The following CEP135 variants were observed in gnomAD, a reference collection of about 807,000 sequenced individuals.
CEP135 encodes centrosomal protein 135, also known as centrosomal protein of 135 kDa.
In CEP135, 142 loss-of-function variants were observed where a neutral mutation model predicts 157.3. The observed-to-expected ratio is 0.90, with a 90% confidence interval of 0.79 to 1.04. CEP135 has a LOEUF of 1.04. Among genes scored for constraint, CEP135 ranks in the 50% least tolerant of loss-of-function variants. The pLI is 0.00. For synonymous variants in CEP135, 396 were observed against 439.8 expected, an observed-to-expected ratio of 0.90 and a Z score of 1.25; for missense variants, 1,317 against 1,309.2, an observed-to-expected ratio of 1.01 and a Z score of -0.09.
intron 14 of CEP135, among the ~76,000 whole-genome samples, chr4:55,990,011 T>C (rs1729732293): frequency 6.6e-6 from 1 of 152,254 alleles, no homozygotes; most frequent in Non-Finnish European, 1.5e-5. Context: ...TATTTACATA[T>C]TGTCTGTGAC....
rs1730504718 is a variant in CEP135, at chr4:56,009,804, T to C, written c.2406T>C (p.Ala802=). 1.2e-6 allele frequency: 2 copies of C among 1,613,968 alleles called. No homozygotes were observed. Among genetic ancestry groups the C allele is most frequent in the African/African-American group, 1.3e-5 (1 of 74,926 alleles). The change falls in exon 19 of 26, where the codon GCT becomes GCC. Residue 802 remains alanine, a synonymous_variant. Transcript: ENST00000257287. ...INSLRRQLDA[A]HKELDEVGRS... ...GCCTCCGGCGCCAGCTTGATGCAGC[T>C]CACAAAGAACTCGATGAAGTAGGAA...
At chr4:56,007,260 A>T (rs999042449) in intron 17 of CEP135, among the ~76,000 whole-genome samples, 3 of 152,146 alleles carry the variant, frequency 2.0e-5, no homozygotes, top group African/African-American at 7.2e-5. Flanking sequence ...GAATTTCATT[A>T]TACTTTTTTT....
At chr4:56,019,742 C>A (rs1198153319) in intron 23 of CEP135, among the ~76,000 whole-genome samples, 187 bp downstream of exon 23, 1 of 151,746 alleles carries the variant, frequency 6.6e-6, no homozygotes, top group African/African-American at 2.4e-5. Context: ...TTGAGACTAG[C>A]CTGGGCAAGA....
chr4:55,993,511 G>A (rs1349317270), intron 15 of CEP135, among the ~76,000 whole-genome samples: 1 of 152,210 alleles, frequency 6.6e-6, no homozygotes, highest in Non-Finnish European at 1.5e-5. Context: ...AAGAACTAAA[G>A]TAGATACTGC....
rs1480618316 is a variant in CEP135, at chr4:56,011,883, T to C, written c.2700T>C (p.Ala900=). Residue 900 remains alanine (A), a synonymous_variant, in exon 21 of 26, where the codon GCT becomes GCC. Transcript: ENST00000257287. ...ACTGGGAGGTCAAAGCCCATCAAGC[T>C]GAGGGAGAAAGCAGCTCAGTTCGAC... ...AEDWEVKAHQ[A]EGESSSVRLE... is the part of the protein sequence containing the mutation. 6.2e-7 allele frequency: 1 copy of C among 1,607,838 alleles called. No homozygotes were observed. Among genetic ancestry groups the C allele is most frequent in the Non-Finnish European group, 8.5e-7 (1 of 1,176,942 alleles).
chr4:55,974,613 AC>A lies in CEP135; in HGVS notation c.1250-131del, dbSNP rs1577877876. The A allele has an allele frequency of 1.3e-5, 8 of 627,608 alleles. No individual in the cohort carries two copies. In the East Asian group the frequency reaches 2.4e-4, roughly 19 times the overall value. 38.9% of individuals were successfully genotyped at this position (627,608 alleles called of 1,614,324 possible). ...TATTTACCTCTTCAATAGATTTGGT[AC>A]CTACAGGTGTTATGTAGAACAGTTC... is the stretch of plus-strand genomic sequence containing the variant. On this transcript the variant is annotated intron_variant, in intron 10 of 25. Coordinates refer to ENST00000257287, the MANE Select transcript of CEP135 (RefSeq NM_025009.5).
intron 22 of CEP135, 85 bp from the exon 23 acceptor site, chr4:56,019,268 C>A: frequency 9.7e-7 from 1 of 1,026,806 alleles, no homozygotes; most frequent in Non-Finnish European, 1.4e-6. Flanking sequence ...TGAATAGTTC[C>A]ACAGAGCTAT....
chr4:55,992,055 C>G lies in CEP135; in HGVS notation c.1979C>G (p.Ser660Cys). 6.2e-7 allele frequency: 1 copy of G among 1,602,950 alleles called. No individual in the cohort carries two copies. The change falls in exon 15 of 26, where the codon TCT becomes TGT. Residue 660 changes from serine to cysteine, a missense_variant. Transcript: ENST00000257287. ...QKFSHVAGDS[S>C]HQKTEVNSLR... ...TTTAGCCATGTGGCTGGTGACTCAT[C>G]TCATCAGAAAACAGAGGTGAACTCA...
chr4:56,011,640 T>C (rs1730587355), intron 20 of CEP135, 118 bp downstream of exon 20: 1 of 955,720 alleles, frequency 1.0e-6, no homozygotes, highest in Admixed American at 2.9e-5. Flanking sequence ...TCTACTGCCT[T>C]TTTCTATTTT....
At chr4:55,979,950 C>T (rs780314368) in intron 11 of CEP135, among the ~76,000 whole-genome samples, 193 bp from the exon 12 acceptor site, 3 of 152,126 alleles carry the variant, frequency 2.0e-5, no homozygotes, top group Non-Finnish European at 2.9e-5. Flanking sequence ...ACTTGAAGGC[C>T]AGGAAATTTG....
chr4:55,999,715 T>G, intron 17 of CEP135, 70 bp downstream of exon 17: 1 of 1,472,556 alleles, frequency 6.8e-7, no homozygotes, highest in Non-Finnish European at 9.2e-7. Flanking sequence ...GTTTTTGAGA[T>G]GGGGTCTCAC....
At chr4:55,992,969 T>A (rs544092252) in intron 15 of CEP135, among the ~76,000 whole-genome samples, 1 of 152,290 alleles carries the variant, frequency 6.6e-6, no homozygotes, top group East Asian at 1.9e-4. Flanking sequence ...CTCTCTAAAT[T>A]ACATTTGCAG....
intron 15 of CEP135, among the ~76,000 whole-genome samples, chr4:55,995,778 C>G (rs1454835907): frequency 6.6e-6 from 1 of 152,160 alleles, no homozygotes; most frequent in Non-Finnish European, 1.5e-5. Flanking sequence ...TTGTTTCCAG[C>G]CCAGTTAGAC....
chr4:55,958,668 G>A (rs1186418633), intron 5 of CEP135, among the ~76,000 whole-genome samples: 10 of 152,052 alleles, frequency 6.6e-5, no homozygotes, highest in Non-Finnish European at 1.5e-4. Context: ...TTATATGAGT[G>A]CAGTTGCATA....
chr4:56,020,909 G>A (rs1213463640), intron 24 of CEP135, 129 bp downstream of exon 24: 9 of 615,104 alleles, frequency 1.5e-5, no homozygotes, highest in Non-Finnish European at 2.2e-5. Flanking sequence ...CATTTCTTTG[G>A]TAATTCTTCC....
In CEP135 at chr4:56,009,718, C is replaced by T. The variant is rs1474583729; in HGVS notation, c.2337-17C>T. On this transcript the variant is annotated splice_polypyrimidine_tract_variant and intron_variant, in intron 18 of 25. Coordinates refer to ENST00000257287, the MANE Select transcript of CEP135 (RefSeq NM_025009.5). Reference sequence around the variant, plus strand: ...TTAAAAGTTTTCTTTATTAGTTTCACATCACTCATTTAACAGCCAGCTGAA... The same window carrying T: ...TTAAAAGTTTTCTTTATTAGTTTCATATCACTCATTTAACAGCCAGCTGAA... 1.3e-6 allele frequency: 2 copies of T among 1,588,472 alleles called. No individual in the cohort carries two copies. The highest frequency in any genetic ancestry group is 1.9e-5 in the Admixed American group (1 of 51,664).
intron 2 of CEP135, 43 bp downstream of exon 2, chr4:55,952,286 C>T (rs1242376824): frequency 6.4e-6 from 7 of 1,094,658 alleles, no homozygotes; most frequent in Non-Finnish European, 7.0e-6. Context: ...GATCCCTAAC[C>T]ACTTACCTCA....
chr4:56,021,537 GTTAC>G (rs1051024470), intron 24 of CEP135, among the ~76,000 whole-genome samples: 1 of 152,118 alleles, frequency 6.6e-6, no homozygotes, highest in Non-Finnish European at 1.5e-5. Context: ...CAGTTGCCAA[GTTAC>G]TTGTCTTCCA....
chr4:55,992,147 TTATAATCA>T, intron 15 of CEP135, 62 bp downstream of exon 15: 1 of 1,511,042 alleles, frequency 6.6e-7, no homozygotes, highest in Non-Finnish European at 8.9e-7. Flanking sequence ...TATGTAAAGT[TTATAATCA>T]TGGCATTTTG....
Sources: gnomAD v4.1 joint callset for allele counts (sites outside exome capture counted in the v4.1 genomes callset) on GRCh38, gnomAD v4.1.1 for gene constraint, MANE v1.5 for transcripts, NCBI Gene and HGNC (gene_info 2026-07-23, HGNC 2026-07-21) for gene names.